The following EFL1 variants were observed in gnomAD, a reference collection of about 807,000 sequenced individuals.
EFL1 encodes the protein elongation factor like GTPase 1.
A neutral mutation model predicts 126.7 loss-of-function variants in EFL1; 76 were observed. That is an observed-to-expected ratio of 0.60 (90% CI 0.50 to 0.73). The LOEUF (loss-of-function observed/expected upper bound fraction) is 0.73, where lower values mean the gene tolerates loss of function less well. Ranked by LOEUF, EFL1 falls within the 30% of genes least tolerant of loss-of-function variation. The probability of loss-of-function intolerance (pLI) is 0.00; values close to 1 mark genes in which losing one functional copy is unlikely to be tolerated. For missense variants in EFL1, 1,128 were observed against 1,343.2 expected, an observed-to-expected ratio of 0.84 and a Z score of 2.50; for synonymous variants, 410 against 448.4, an observed-to-expected ratio of 0.91 and a Z score of 1.08.
chr15:82,151,720 T>C lies in EFL1; in HGVS notation c.2734A>G (p.Lys912Glu), dbSNP rs1033416523. ...FEEQGASDLA[K>E]EGQEENETCS... ...GTTTCATTTTCCTCCTGTCCCTCTT[T>C]TGCCAGATCACTTGCTCCTTGTTCC... Residue 912 changes from lysine (K) to glutamate (E), a missense_variant, in exon 18 of 20, where the codon AAA becomes GAA. Lys to Glu is a moderately conservative substitution (Grantham distance 56). This residue lies in a region of EFL1 where 561 missense variants were observed against 641.7 expected (regional missense o/e 0.87). Transcript: ENST00000268206. 6 of 1,614,068 alleles carry C rather than the reference T, an allele frequency of 3.7e-6. No homozygotes were observed. Among genetic ancestry groups the C allele is most frequent in the Non-Finnish European group, 5.1e-6 (6 of 1,180,042 alleles).
rs190021493 is a variant in EFL1, at chr15:82,225,101, C to T, written c.1292+64G>A. 130 of 1,347,736 alleles carry T rather than the reference C, an allele frequency of 9.6e-5. No homozygotes were observed. In the African/African-American group the frequency reaches 1.9e-3, roughly 19 times the overall value. The allele number at this position is 1,347,736 out of a possible 1,614,324, so 83.5% of individuals were successfully genotyped here. A position where few individuals can be genotyped will look rare whatever the true frequency, so the allele number is the denominator to read the frequency against. ...ATCCGTGCCCCCCCTACCCACAGCC[C>T]AACTGCATCCCACCAAACATACACC... is the stretch of plus-strand genomic sequence containing the variant. On this transcript the variant is annotated intron_variant, in intron 12 of 19. Transcript: ENST00000268206.
At chr15:82,179,094 T>C (rs2074222917) in intron 15 of EFL1, among the ~76,000 whole-genome samples, 1 of 152,164 alleles carries the variant, frequency 6.6e-6, no homozygotes, top group African/African-American at 2.4e-5. Flanking sequence ...CAGTAAACTA[T>C]GATCGTGCCA....
At chr15:82,149,129 T>C (rs535959446) in intron 18 of EFL1, among the ~76,000 whole-genome samples, 32 of 152,302 alleles carry the variant, frequency 2.1e-4, no homozygotes, top group Admixed American at 1.9e-3. Context: ...AATCAATGTG[T>C]TAAGATGGTG....
intron 8 of EFL1, among the ~76,000 whole-genome samples, chr15:82,230,232 C>T (rs2074806911): frequency 1.3e-5 from 2 of 152,196 alleles, no homozygotes; most frequent in Non-Finnish European, 2.9e-5. Flanking sequence ...TTTACTGTGG[C>T]TTTATACTTG....
chr15:82,176,614 G>A (rs1311081935), intron 15 of EFL1, among the ~76,000 whole-genome samples: 2 of 152,098 alleles, frequency 1.3e-5, no homozygotes, highest in African/African-American at 4.8e-5. Flanking sequence ...CAAAATCTAC[G>A]TAATATACTA....
At chr15:82,212,688 C>T (rs1307504882) in intron 15 of EFL1, among the ~76,000 whole-genome samples, 17 of 152,126 alleles carry the variant, frequency 1.1e-4, no homozygotes, top group South Asian at 2.1e-4. Flanking sequence ...GAATGGAAGG[C>T]GAATGCAGCC....
chr15:82,143,021 T>G (rs2073805601), intron 18 of EFL1, among the ~76,000 whole-genome samples: 1 of 152,222 alleles, frequency 6.6e-6, no homozygotes, highest in Non-Finnish European at 1.5e-5. Context: ...AATATTAAGA[T>G]TAACCTGTAC....
At chr15:82,228,882 A>T (rs566560634) in intron 9 of EFL1, 152 bp downstream of exon 9, 99 of 631,398 alleles carry the variant, frequency 1.6e-4, no homozygotes, top group Non-Finnish European at 2.5e-4. Flanking sequence ...GCTTCTTTAA[A>T]TTGCTTCCAA....
intron 15 of EFL1, among the ~76,000 whole-genome samples, chr15:82,166,853 A>G (rs1344726813): frequency 6.6e-6 from 1 of 152,162 alleles, no homozygotes; most frequent in Non-Finnish European, 1.5e-5. Flanking sequence ...TTTTCATTTC[A>G]GTCACTTTAG....
chr15:82,138,541 T>C (rs1454316290), intron 19 of EFL1, 117 bp downstream of exon 19: 3 of 1,198,092 alleles, frequency 2.5e-6, no homozygotes, highest in Admixed American at 2.4e-5. Flanking sequence ...TTTGACTGAG[T>C]TGAGCCATAG....
At chr15:82,164,818 A>G (rs2074061216) in intron 15 of EFL1, among the ~76,000 whole-genome samples, 1 of 150,378 alleles carries the variant, frequency 6.6e-6, no homozygotes, top group Non-Finnish European at 1.5e-5. Context: ...AATTGCTTGA[A>G]CCTGGGAGGC....
chr15:82,224,253 T>A (rs922945435), intron 12 of EFL1, among the ~76,000 whole-genome samples: 1 of 152,234 alleles, frequency 6.6e-6, no homozygotes, highest in East Asian at 1.9e-4. Flanking sequence ...TATATCTGCA[T>A]ATTATTATTT....
intron 14 of EFL1, among the ~76,000 whole-genome samples, chr15:82,217,494 G>T (rs1275166688): frequency 6.6e-6 from 1 of 150,946 alleles, no homozygotes; most frequent in Non-Finnish European, 1.5e-5. Flanking sequence ...ACGAGCTACG[G>T]GAATAGGCAT....
At chr15:82,209,482 G>T (rs920518144) in intron 15 of EFL1, among the ~76,000 whole-genome samples, 1 of 152,272 alleles carries the variant, frequency 6.6e-6, no homozygotes, top group African/African-American at 2.4e-5. Context: ...TTTCCTCTCA[G>T]AATATGTCCT....
In EFL1 at chr15:82,204,936, T is replaced by C. The variant is rs142034870; in HGVS notation, c.1750+9781A>G. Among the ~76,000 whole-genome samples the C allele has an allele frequency of 8.0e-3, 1,221 of 152,278 alleles. 14 individuals are homozygous for C. The highest frequency in any genetic ancestry group is 0.028 in the African/African-American group (1,145 of 41,540). ...TATTATGTGCAAGTTCTAAATACAA[T>C]TGTTCACTTTTTCAACTACTGTACC... On this transcript the variant is annotated intron_variant, in intron 15 of 19. Coordinates refer to ENST00000268206, the MANE Select transcript of EFL1 (RefSeq NM_024580.6).
In EFL1 at chr15:82,238,503, T is replaced by A. The variant is rs2074897325; in HGVS notation, c.535A>T (p.Thr179Ser). ...TCTAGGACTTTAGAAGTAAAAAGAG[T>A]CCCTGTGAGCGCATTAATCTAGGAG... is the stretch of plus-strand genomic sequence containing the variant. ...ILEQINALTG[T>S]LFTSKVLEER... The change falls in exon 7 of 20, where the codon ACT becomes TCT. Residue 179 changes from threonine to serine, a missense_variant. Transcript: ENST00000268206. 1.2e-6 allele frequency: 2 copies of A among 1,612,216 alleles called. No individual in the cohort carries two copies. The highest frequency in any genetic ancestry group is 2.7e-5 in the African/African-American group (2 of 74,810).
At chr15:82,227,198 C>T (rs8030250) in intron 11 of EFL1, among the ~76,000 whole-genome samples, 36,506 of 151,946 alleles carry the variant, frequency 0.24, 4,678 homozygotes, top group South Asian at 0.4. Flanking sequence ...TCTTTTCTCA[C>T]GAGGAGCATG....
Position 82,230,990 on chromosome 15 carries a change from T to C in EFL1, c.732-19A>G, listed in dbSNP as rs763785405. 2 of 1,606,842 alleles carry C rather than the reference T, an allele frequency of 1.2e-6. No homozygotes were observed. The highest frequency in any genetic ancestry group is 1.3e-5 in the African/African-American group (1 of 74,502). On this transcript the variant is annotated intron_variant, in intron 7 of 19. Coordinates refer to ENST00000268206, the MANE Select transcript of EFL1 (RefSeq NM_024580.6). Reference sequence around the variant, plus strand: ...CTCAATTCTGAAAGAAGACCAAATGTTCATGTTATTAATAACAACGATTAT... The same window carrying C: ...CTCAATTCTGAAAGAAGACCAAATGCTCATGTTATTAATAACAACGATTAT...
Position 82,214,703 on chromosome 15 carries a change from C to T in EFL1, c.1750+14G>A, listed in dbSNP as rs758267429. 6.1e-6 allele frequency: 9 copies of T among 1,486,928 alleles called. No individual in the cohort carries two copies. The Admixed American group carries it at 2.0e-4, about 32-fold the overall frequency. 92.1% of individuals were successfully genotyped at this position (1,486,928 alleles called of 1,614,324 possible). ...TAGAATGGAGTAAGGATAAAATAAA[C>T]AGCATCACCCTACCTAGCACATTTC... On this transcript the variant is annotated intron_variant, in intron 15 of 19. Transcript: ENST00000268206.
Sources: gnomAD v4.1 joint callset for allele counts (sites outside exome capture counted in the v4.1 genomes callset) on GRCh38, gnomAD v4.1.1 for gene constraint, gnomAD v4.1.1 regional missense constraint, MANE v1.5 for transcripts, NCBI Gene and HGNC (gene_info 2026-07-23, HGNC 2026-07-21) for gene names.